SOCS5: variants seen among roughly 807,000 people sequenced by gnomAD.
SOCS5 encodes suppressor of cytokine signaling 5, also known as CIS-6.
SOCS5 carries 32 observed loss-of-function variants against 42.8 expected under a neutral mutation model. That is an observed-to-expected ratio of 0.75 (90% CI 0.56 to 1.01). The LOEUF (loss-of-function observed/expected upper bound fraction) is 1.01. Ranked by LOEUF, SOCS5 falls within the 50% of genes least tolerant of loss-of-function variation. The pLI is 0.00. For synonymous variants in SOCS5, 283 were observed against 229.6 expected (o/e 1.23, Z -2.10); for missense variants, 627 against 653.0 (o/e 0.96, Z 0.43).
chr2:46,713,231 C>T (rs1475287828), intron 1 of SOCS5, among the ~76,000 whole-genome samples: 1 of 152,146 alleles, frequency 6.6e-6, no homozygotes, highest in African/African-American at 2.4e-5. Flanking sequence ...TGGCGCACAC[C>T]TGTAGTTTCA....
At chr2:46,746,352 G>A (rs1219967007) in intron 1 of SOCS5, among the ~76,000 whole-genome samples, 1 of 152,046 alleles carries the variant, frequency 6.6e-6, no homozygotes, top group East Asian at 1.9e-4. Context: ...CTTCTCCTTT[G>A]GAGTATAGAA....
chr2:46,700,146 A>G (rs958026570), intron 1 of SOCS5, among the ~76,000 whole-genome samples: 1 of 152,106 alleles, frequency 6.6e-6, no homozygotes, highest in Non-Finnish European at 1.5e-5. Context: ...AGGGAATTGC[A>G]TTTAAAGAAG....
intron 1 of SOCS5, among the ~76,000 whole-genome samples, chr2:46,757,595 G>GGT (rs141695500): frequency 0.063 from 9,601 of 152,194 alleles, 442 homozygotes; most frequent in Non-Finnish European, 0.1. Flanking sequence ...GGCCGGGCAT[G>GGT]GTGGCTCACA....
At chr2:46,725,548 G>A (rs1672972625) in intron 1 of SOCS5, among the ~76,000 whole-genome samples, 1 of 152,050 alleles carries the variant, frequency 6.6e-6, no homozygotes, top group African/African-American at 2.4e-5. Flanking sequence ...AACACCATAT[G>A]TATTTCTCTG....
Position 46,760,042 on chromosome 2 carries a change from C to T in SOCS5, c.1512C>T (p.Leu504=), listed in dbSNP as rs1673829847. The part of the protein sequence containing the change: ...RCTTYDGIDG[L]PLPSMLQDFL... ...CTACGTATGATGGAATTGATGGGCT[C>T]CCTCTACCCTCAATGTTACAGGATT... The change falls in exon 2 of 2, where the codon CTC becomes CTT. Residue 504 remains leucine (L), a synonymous_variant. Coordinates refer to ENST00000394861, the MANE Select transcript of SOCS5 (RefSeq NM_144949.3). 1.2e-6 allele frequency: 2 copies of T among 1,613,652 alleles called. No individual in the cohort carries two copies. Among genetic ancestry groups the T allele is most frequent in the Non-Finnish European group, 1.7e-6 (2 of 1,179,618 alleles).
At chr2:46,743,550 G>C (rs1673425270) in intron 1 of SOCS5, among the ~76,000 whole-genome samples, 2 of 152,086 alleles carry the variant, frequency 1.3e-5, no homozygotes, top group African/African-American at 2.4e-5. Flanking sequence ...CTGTCATGCA[G>C]CCTGTTTTCT....
Position 46,759,736 on chromosome 2 carries a change from G to T in SOCS5, c.1206G>T (p.Thr402=). The change falls in exon 2 of 2, where the codon ACG becomes ACT. Residue 402 remains threonine (T), a synonymous_variant. Transcript: ENST00000394861. The stretch of plus-strand genomic sequence containing the variant: ...TTCTCGAAGGGAAACCTGAAGGCAC[G>T]TTTTTGCTCAGGGACTCTGCGCAAG... ...EALLEGKPEG[T]FLLRDSAQED... 1.2e-6 allele frequency: 2 copies of T among 1,614,124 alleles called. No homozygotes were observed. The highest frequency in any genetic ancestry group is 1.7e-6 in the Non-Finnish European group (2 of 1,180,000).
intron 1 of SOCS5, among the ~76,000 whole-genome samples, chr2:46,706,959 G>A (rs1672506871): frequency 6.6e-6 from 1 of 152,172 alleles, no homozygotes; most frequent in Admixed American, 6.5e-5. Flanking sequence ...AGATTATAAG[G>A]ATCACGTGAG....
At chr2:46,746,653 A>T (rs1489674868) in intron 1 of SOCS5, among the ~76,000 whole-genome samples, 7 of 152,104 alleles carry the variant, frequency 4.6e-5, no homozygotes, top group Non-Finnish European at 1.5e-5. Context: ...TCTCAAAAAA[A>T]AAAAAAGATC....
chr2:46,749,456 G>A (rs936254290), intron 1 of SOCS5, among the ~76,000 whole-genome samples: 1 of 152,190 alleles, frequency 6.6e-6, no homozygotes, highest in East Asian at 1.9e-4. Flanking sequence ...GGCTTATGTT[G>A]TTTGTGTTAT....
intron 1 of SOCS5, among the ~76,000 whole-genome samples, chr2:46,709,717 A>C (rs1672572767): frequency 6.6e-6 from 1 of 152,198 alleles, no homozygotes; most frequent in Admixed American, 6.5e-5. Flanking sequence ...TAAAATTTGG[A>C]ATTGCAACTC....
At chr2:46,755,290 G>T (rs1396917674) in intron 1 of SOCS5, among the ~76,000 whole-genome samples, 1 of 152,116 alleles carries the variant, frequency 6.6e-6, no homozygotes, top group Non-Finnish European at 1.5e-5. Flanking sequence ...CATGGGTTAA[G>T]TCCCATTGAA....
rs1282261575 is a variant in SOCS5 at position 46,699,945 on chromosome 2, A to T, written c.-13+496A>T. The stretch of plus-strand genomic sequence containing the variant: ...TCGAGGAGAAAAGATCCTCTTGGGG[A>T]TGAGGGAGGGAACCAATGAGTACAT... On this transcript the variant is annotated intron_variant, in intron 1 of 1. Transcript: ENST00000394861. This position sits in a 1 kb window ranked among gnomAD's most constrained non-coding sequence, Gnocchi z 4.8. 6.6e-6 allele frequency among the ~76,000 whole-genome samples: 1 copy of T among 151,976 alleles called. No individual in the cohort carries two copies. Among genetic ancestry groups the T allele is most frequent in the Non-Finnish European group, 1.5e-5 (1 of 67,992 alleles).
intron 1 of SOCS5, among the ~76,000 whole-genome samples, chr2:46,743,112 A>T (rs1673415011): frequency 6.6e-6 from 1 of 152,058 alleles, no homozygotes; most frequent in Non-Finnish European, 1.5e-5. Flanking sequence ...TTAACTTTTT[A>T]TGAGTTTTTC....
At chr2:46,748,607 C>T (rs1673560067) in intron 1 of SOCS5, among the ~76,000 whole-genome samples, 1 of 151,958 alleles carries the variant, frequency 6.6e-6, no homozygotes, top group Non-Finnish European at 1.5e-5. Flanking sequence ...AATTATTTTC[C>T]ATTAGTTTTT....
chr2:46,714,852 A>G (rs1388920852), intron 1 of SOCS5, among the ~76,000 whole-genome samples: 2 of 151,462 alleles, frequency 1.3e-5, no homozygotes, highest in African/African-American at 2.4e-5. Context: ...ATTTTTTATG[A>G]TTCTATTTTA....
At chr2:46,754,354 TC>T (rs1407027312) in intron 1 of SOCS5, among the ~76,000 whole-genome samples, 1 of 152,220 alleles carries the variant, frequency 6.6e-6, no homozygotes, top group African/African-American at 2.4e-5. Context: ...TGAACTATTT[TC>T]TTGGCCTCTA....
At chr2:46,716,367 A>ATTTTTTTTTTTTTTTTTTTTTTTTTTT (rs35187667) in intron 1 of SOCS5, among the ~76,000 whole-genome samples, 2 of 17,014 alleles carry the variant, frequency 1.2e-4, no homozygotes, top group African/African-American at 1.8e-4. Context: ...GAGTGTCTTC[A>ATTTTTTTTTTTTTTTTTTTTTTTTTTT]TTTTTTTTTT....
intron 1 of SOCS5, among the ~76,000 whole-genome samples, chr2:46,711,930 C>T (rs946790532): frequency 1.3e-5 from 2 of 151,732 alleles, no homozygotes; most frequent in Non-Finnish European, 2.9e-5. Context: ...CTATTCTGTT[C>T]ATCTGTTTGT....
Sources: allele counts gnomAD v4.1 joint callset (sites outside exome capture counted in the v4.1 genomes callset), GRCh38; gene constraint gnomAD v4.1.1; non-coding constraint Gnocchi (gnomAD v3.1); transcripts MANE v1.5; gene names NCBI Gene and HGNC (gene_info 2026-07-23, HGNC 2026-07-21).